STAG1: variants seen among roughly 807,000 people sequenced by gnomAD.
STAG1 encodes the protein cohesin subunit SA-1.
Under a neutral mutation model 170.9 loss-of-function variants are expected in STAG1, and 26 were observed. The observed-to-expected ratio is 0.15, with a 90% CI of 0.11 to 0.21. STAG1 has a LOEUF of 0.21. Ranked by LOEUF, STAG1 falls within the 10% of genes least tolerant of loss-of-function variation. The pLI, the probability that STAG1 is intolerant of heterozygous loss-of-function variation, is 1.00. For synonymous variants in STAG1, 514 were observed against 497.7 expected (o/e 1.03, Z -0.44); for missense variants, 964 against 1,509.5 (o/e 0.64, Z 5.99).
At chr3:136,712,296 GT>G (rs1943406124) in intron 1 of STAG1, among the ~76,000 whole-genome samples, 1 of 152,146 alleles carries the variant, frequency 6.6e-6, no homozygotes, top group East Asian at 1.9e-4. Flanking sequence ...GATTACAGGT[GT>G]GAGCCACCGC....
At chr3:136,403,224 T>TAAAAAAAAAAAAAAAAAAAAAA (rs55678408) in intron 21 of STAG1, among the ~76,000 whole-genome samples, 92 of 33,602 alleles carry the variant, frequency 2.7e-3, no homozygotes, top group African/African-American at 5.8e-3. Flanking sequence ...GAGACTGTCT[T>TAAAAAAAAAAAAAAAAAAAAAA]AAAAAAAAAA....
At chr3:136,424,989 A>G (rs1212575708) in intron 16 of STAG1, among the ~76,000 whole-genome samples, 2 of 152,008 alleles carry the variant, frequency 1.3e-5, no homozygotes, top group Non-Finnish European at 1.5e-5. Context: ...ACAGGCACGC[A>G]CCACCACACC....
chr3:136,523,743 C>G (rs1934824785), intron 6 of STAG1, among the ~76,000 whole-genome samples: 1 of 152,128 alleles, frequency 6.6e-6, no homozygotes, highest in African/African-American at 2.4e-5. Context: ...ACATGTAAGT[C>G]TTTAATTCAT....
intron 3 of STAG1, 105 bp downstream of exon 3, chr3:136,623,041 A>ATT: frequency 1.1e-6 from 1 of 945,658 alleles, no homozygotes; most frequent in Non-Finnish European, 1.6e-6. Context: ...GTGTCACTGA[A>ATT]TTTTTTTTAA....
intron 22 of STAG1, among the ~76,000 whole-genome samples, chr3:136,393,500 C>G (rs899758371): frequency 1.3e-5 from 2 of 151,848 alleles, no homozygotes; most frequent in Non-Finnish European, 2.9e-5. Flanking sequence ...CAGCAAGATT[C>G]TGTCTCAAAA....
intron 1 of STAG1, among the ~76,000 whole-genome samples, chr3:136,674,116 A>G (rs1251361413): frequency 1.4e-4 from 13 of 91,810 alleles, no homozygotes; most frequent in African/African-American, 3.4e-4. Context: ...AAAAAAAAAA[A>G]GGGAGGGAGG....
intron 1 of STAG1, among the ~76,000 whole-genome samples, chr3:136,687,454 G>A (rs1234535165): frequency 6.6e-6 from 1 of 151,562 alleles, no homozygotes; most frequent in Non-Finnish European, 1.5e-5. Context: ...AAAGTCTTTT[G>A]TGTAGACTCT....
intron 1 of STAG1, among the ~76,000 whole-genome samples, chr3:136,726,484 C>A (rs1269459884): frequency 1.3e-5 from 2 of 152,216 alleles, no homozygotes; most frequent in Non-Finnish European, 2.9e-5. Flanking sequence ...AGTGCAGCAG[C>A]ACAATCTCGG....
intron 1 of STAG1, among the ~76,000 whole-genome samples, chr3:136,696,327 C>T (rs1412961206): frequency 6.6e-6 from 1 of 152,062 alleles, no homozygotes; most frequent in Non-Finnish European, 1.5e-5. Flanking sequence ...ACCATAAATG[C>T]TTTTTCCTCC....
At chr3:136,369,006 A>C (rs564504730) in intron 24 of STAG1, 102 bp downstream of exon 24, 1 of 1,182,202 alleles carries the variant, frequency 8.5e-7, no homozygotes, top group African/African-American at 1.6e-5. Flanking sequence ...TTTTAAAAGA[A>C]AGAAATCTCG....
chr3:136,738,055 G>A (rs1934445691), intron 1 of STAG1, among the ~76,000 whole-genome samples: 1 of 152,044 alleles, frequency 6.6e-6, no homozygotes, highest in Admixed American at 6.5e-5. Context: ...GCGACACAGT[G>A]AGACTCTGTC....
At position 136,505,747 on chromosome 3, in the gene STAG1, T is replaced by G. The variant is rs149470016; in HGVS notation, c.677-2968A>C. Among the ~76,000 whole-genome samples, 3 of 152,268 alleles carry G rather than the reference T, an allele frequency of 2.0e-5. No homozygotes were observed. In the East Asian group the frequency reaches 5.8e-4, roughly 29 times the overall value. ...AATAAATGAATAGGTAATATGCAAA[T>G]GAAAAAACCACGTCAGTTAATGATT... On this transcript the variant is annotated intron_variant, in intron 7 of 33. Coordinates refer to ENST00000383202, the MANE Select transcript of STAG1 (RefSeq NM_005862.3).
chr3:136,573,787 A>G lies in STAG1; in HGVS notation c.298-4926T>C, dbSNP rs553409038. 3.9e-5 allele frequency among the ~76,000 whole-genome samples: 6 copies of G among 152,260 alleles called. No individual in the cohort carries two copies. In the South Asian group the frequency reaches 1.2e-3, roughly 32 times the overall value. On this transcript the variant is annotated intron_variant, in intron 4 of 33. Coordinates refer to ENST00000383202, the MANE Select transcript of STAG1 (RefSeq NM_005862.3). The stretch of plus-strand genomic sequence containing the variant: ...GGAGATGGAGACCATCCTGGCTAAC[A>G]TGGTGAAACCCCATCTCTATTAAAA...
rs558939043 is a variant in STAG1, at chr3:136,603,541, T to A, written c.297+768A>T. The stretch of plus-strand genomic sequence containing the variant: ...TACAATGCATTAGTGAGAATGGTGC[T>A]CCTGCAGAATACTTAGTATTTATGG... On this transcript the variant is annotated intron_variant, in intron 4 of 33. Transcript: ENST00000383202. 1.2e-4 allele frequency among the ~76,000 whole-genome samples: 19 copies of A among 152,258 alleles called. No homozygotes were observed. In the South Asian group the frequency reaches 3.9e-3, roughly 32 times the overall value.
chr3:136,589,857 G>A (rs1458768124), intron 4 of STAG1, among the ~76,000 whole-genome samples: 1 of 152,018 alleles, frequency 6.6e-6, no homozygotes, highest in Non-Finnish European at 1.5e-5. Flanking sequence ...CCTGAATCCG[G>A]GAGGCGGAAG....
intron 13 of STAG1, among the ~76,000 whole-genome samples, chr3:136,462,003 C>A (rs2089288412): frequency 6.6e-6 from 1 of 152,050 alleles, no homozygotes; most frequent in Non-Finnish European, 1.5e-5. Flanking sequence ...GAGATATCAT[C>A]TTACCTCATT....
At chr3:136,445,933 C>T (rs1252891064) in intron 14 of STAG1, among the ~76,000 whole-genome samples, 1 of 152,174 alleles carries the variant, frequency 6.6e-6, no homozygotes, top group Non-Finnish European at 1.5e-5. Flanking sequence ...TCATTTACTT[C>T]AATCCCAAAT....
At chr3:136,701,122 TCCAC>T (rs942965562) in intron 1 of STAG1, among the ~76,000 whole-genome samples, 20 of 152,090 alleles carry the variant, frequency 1.3e-4, no homozygotes, top group African/African-American at 4.8e-4. Flanking sequence ...CCTCAGGTGA[TCCAC>T]CCGCCTCGGC....
chr3:136,703,478 G>A (rs1330805889), intron 1 of STAG1, among the ~76,000 whole-genome samples: 3 of 152,164 alleles, frequency 2.0e-5, no homozygotes, highest in Admixed American at 2.0e-4. Flanking sequence ...GCTGACCACT[G>A]TTTCAATCCC....
Sources: gnomAD v4.1 joint callset for allele counts (sites outside exome capture counted in the v4.1 genomes callset) on GRCh38, gnomAD v4.1.1 for gene constraint, MANE v1.5 for transcripts, NCBI Gene and HGNC (gene_info 2026-07-23, HGNC 2026-07-21) for gene names.